The following THSD4 variants were observed in gnomAD, a reference collection of about 807,000 sequenced individuals.
THSD4 encodes thrombospondin type-1 domain-containing protein 4.
Under a neutral mutation model 119.0 loss-of-function variants are expected in THSD4, and 69 were observed. The ratio of observed to expected loss-of-function variants is 0.58; its 90% CI spans 0.48 to 0.71. THSD4 has a LOEUF of 0.71. Among genes scored for constraint, THSD4 ranks in the 30% least tolerant of loss-of-function variants. THSD4 has a pLI of 0.00. For synonymous variants in THSD4, 524 were observed against 540.4 expected (o/e 0.97, Z 0.42); for missense variants, 1,393 against 1,391.1 (o/e 1.00, Z -0.02).
chr15:71,180,189 C>G (rs138111675), intron 3 of THSD4, among the ~76,000 whole-genome samples: 2,352 of 143,532 alleles, frequency 0.016, 38 homozygotes, highest in South Asian at 0.032. Flanking sequence ...AAAAAAGACA[C>G]TATCAACAGA....
intron 7 of THSD4, among the ~76,000 whole-genome samples, chr15:71,512,355 A>G (rs551782537): frequency 6.6e-6 from 1 of 152,314 alleles, no homozygotes; most frequent in East Asian, 1.9e-4. Flanking sequence ...TCCCACTGAG[A>G]TTTATGCATT....
intron 16 of THSD4, 40 bp from the exon 17 acceptor site, chr15:71,771,024 C>T (rs948885188): frequency 1.9e-6 from 3 of 1,603,616 alleles, no homozygotes; most frequent in African/African-American, 1.3e-5. Context: ...AGCTATTGGT[C>T]TGCCCAAAAA....
chr15:71,614,386 CCTGA>C (rs1378097944), intron 7 of THSD4, among the ~76,000 whole-genome samples: 1 of 152,186 alleles, frequency 6.6e-6, no homozygotes, highest in African/African-American at 2.4e-5. Context: ...ATTCTAGTCT[CCTGA>C]CTGAGAGGAT....
intron 1 of THSD4, among the ~76,000 whole-genome samples, chr15:71,104,047 C>T (rs2040264078): frequency 6.6e-6 from 1 of 152,208 alleles, no homozygotes; most frequent in Non-Finnish European, 1.5e-5. Flanking sequence ...ATAGCTCCTC[C>T]ATCCATTCTG....
chr15:71,277,921 G>C (rs2044610775), intron 6 of THSD4, among the ~76,000 whole-genome samples: 1 of 152,186 alleles, frequency 6.6e-6, no homozygotes, highest in South Asian at 2.1e-4. Context: ...ACTACCCACT[G>C]TGTAAGATTC....
At chr15:71,425,012 C>T (rs2046850831) in intron 7 of THSD4, among the ~76,000 whole-genome samples, 1 of 152,082 alleles carries the variant, frequency 6.6e-6, no homozygotes, top group African/African-American at 2.4e-5. Flanking sequence ...GGCCTACTCC[C>T]ATCCCCCCGA....
At chr15:71,153,291 T>A (rs886722326) in intron 2 of THSD4, among the ~76,000 whole-genome samples, 15 of 152,202 alleles carry the variant, frequency 9.9e-5, no homozygotes, top group African/African-American at 3.4e-4. Context: ...GCAAACTCCA[T>A]CCTCCAGCCT....
intron 1 of THSD4, among the ~76,000 whole-genome samples, chr15:71,102,205 T>A (rs908357782): frequency 9.2e-5 from 14 of 152,296 alleles, no homozygotes; most frequent in African/African-American, 3.1e-4. Flanking sequence ...TGTGTGGATG[T>A]CTTTGATTTT....
intron 6 of THSD4, among the ~76,000 whole-genome samples, chr15:71,368,632 C>G (rs2046000708): frequency 6.6e-6 from 1 of 152,114 alleles, no homozygotes; most frequent in African/African-American, 2.4e-5. Flanking sequence ...GTGTTCTGTT[C>G]CATTGGTCTA....
chr15:71,356,796 G>A (rs1349780709), intron 6 of THSD4, among the ~76,000 whole-genome samples: 1 of 152,014 alleles, frequency 6.6e-6, no homozygotes, highest in Non-Finnish European at 1.5e-5. Context: ...CTGGGACCTG[G>A]ATCTGCTGTC....
intron 5 of THSD4, among the ~76,000 whole-genome samples, chr15:71,243,836 G>A (rs1401026657): frequency 7.7e-6 from 1 of 130,264 alleles, no homozygotes; most frequent in Non-Finnish European, 1.6e-5. Flanking sequence ...CCAGGCTGGA[G>A]CACAGTGGCG....
rs111671065 is a variant in THSD4 at position 71,685,136 on chromosome 15, T to C, written c.1357+24402T>C. On this transcript the variant is annotated intron_variant, in intron 8 of 17. Coordinates refer to ENST00000261862, the MANE Select transcript of THSD4 (RefSeq NM_024817.3). ...TTGGAGACCAGCTCTCAGGTTCTTA[T>C]GTGTGTTTTTCTTTCTTGAATTCAC... is the stretch of plus-strand genomic sequence containing the variant. 7.5e-3 allele frequency among the ~76,000 whole-genome samples: 1,135 copies of C among 152,200 alleles called. 14 individuals carry two copies. Among genetic ancestry groups the C allele is most frequent in the African/African-American group, 0.026 (1,083 of 41,568 alleles).
chr15:71,364,271 C>T (rs1349643669), intron 6 of THSD4, among the ~76,000 whole-genome samples: 1 of 152,190 alleles, frequency 6.6e-6, no homozygotes, highest in African/African-American at 2.4e-5. Context: ...TCTTGCAACA[C>T]TGGGCAAGTC....
At chr15:71,633,265 CTTTCTTTTT>C (rs1567073002) in intron 7 of THSD4, among the ~76,000 whole-genome samples, 4 of 123,592 alleles carry the variant, frequency 3.2e-5, no homozygotes, top group Non-Finnish European at 1.7e-5. Flanking sequence ...TTCTTTCTTT[CTTTCTTTTT>C]TTTTTTTTTT....
chr15:71,156,431 T>C (rs553181842), intron 3 of THSD4, among the ~76,000 whole-genome samples: 1 of 152,112 alleles, frequency 6.6e-6, no homozygotes, highest in Admixed American at 6.5e-5. Context: ...CTGATTTTTT[T>C]TGTATGATCA....
At chr15:71,741,329 C>A (rs1370309073) in intron 11 of THSD4, among the ~76,000 whole-genome samples, 1 of 151,942 alleles carries the variant, frequency 6.6e-6, no homozygotes, top group Non-Finnish European at 1.5e-5. Flanking sequence ...CCTGTCCTCA[C>A]CAAAAATACA....
chr15:71,678,518 C>A (rs926123750), intron 8 of THSD4, among the ~76,000 whole-genome samples: 3 of 152,174 alleles, frequency 2.0e-5, no homozygotes, highest in Admixed American at 6.5e-5. Flanking sequence ...AAGTTGAGCA[C>A]CCTTTCCCCT....
intron 15 of THSD4, among the ~76,000 whole-genome samples, chr15:71,763,995 G>A (rs1413257180): frequency 6.6e-6 from 1 of 151,918 alleles, no homozygotes; most frequent in African/African-American, 2.4e-5. Context: ...TGAGTCTGGG[G>A]AGTGGAGGTT....
upstream of THSD4, among the ~76,000 whole-genome samples, chr15:71,112,626 G>A (rs370865972): frequency 1.3e-5 from 2 of 152,212 alleles, no homozygotes; most frequent in African/African-American, 4.8e-5. Flanking sequence ...ACACTGACAT[G>A]CCAGGCAGGC....
Sources: gnomAD v4.1 joint callset for allele counts (sites outside exome capture counted in the v4.1 genomes callset) on GRCh38, gnomAD v4.1.1 for gene constraint, MANE v1.5 for transcripts, NCBI Gene and HGNC (gene_info 2026-07-23, HGNC 2026-07-21) for gene names.